The following EMP2 variants were observed in gnomAD, a reference collection of about 807,000 sequenced individuals.
EMP2 encodes epithelial membrane protein 2.
EMP2 carries 19 observed loss-of-function variants against 13.7 expected under a neutral mutation model. That is an observed-to-expected ratio of 1.38 (90% CI 0.97 to 2.03). EMP2 has a LOEUF of 2.03. Ranked by LOEUF, EMP2 falls within the 30% of genes most tolerant of loss-of-function variation. The probability of loss-of-function intolerance (pLI) is 0.00; values close to 1 mark genes in which losing one functional copy is unlikely to be tolerated. For missense variants in EMP2, 253 were observed against 220.7 expected, an observed-to-expected ratio of 1.15 and a Z score of -0.93; for synonymous variants, 97 against 84.7, an observed-to-expected ratio of 1.15 and a Z score of -0.80.
chr16:10,546,570 C>G (rs2050740766), intron 2 of EMP2: 1 of 152,230 alleles, frequency 6.6e-6, no homozygotes, highest in South Asian at 2.1e-4. Context: ...ACAAGGGACC[C>G]TGGTTGATAA....
chr16:10,549,729 T>TCACACACACACACACA (rs71402494), intron 1 of EMP2, among the ~76,000 whole-genome samples: 3 of 149,558 alleles, frequency 2.0e-5, no homozygotes, highest in South Asian at 2.1e-4. Flanking sequence ...ACACACACAC[T>TCACACACACACACACA]CACACACACA....
chr16:10,537,816 G>C, intron 4 of EMP2, 112 bp downstream of exon 4: 1 of 1,436,864 alleles, frequency 7.0e-7, no homozygotes, highest in Non-Finnish European at 9.6e-7. Context: ...CCGCGCGGCT[G>C]CCAATTTCTC....
At chr16:10,533,555 C>A (rs1053890310) in intron 4 of EMP2, among the ~76,000 whole-genome samples, 4 of 152,190 alleles carry the variant, frequency 2.6e-5, no homozygotes, top group African/African-American at 9.7e-5. Context: ...AAGGGCCAGA[C>A]AGTAAGCAGT....
At chr16:10,574,408 G>A (rs1272426141) in intron 1 of EMP2, among the ~76,000 whole-genome samples, 1 of 151,722 alleles carries the variant, frequency 6.6e-6, no homozygotes, top group African/African-American at 2.4e-5. Context: ...TGGGGATGTG[G>A]AAGGGAAGCC....
chr16:10,568,145 C>G (rs1333093249), intron 1 of EMP2, among the ~76,000 whole-genome samples: 2 of 152,174 alleles, frequency 1.3e-5, no homozygotes, highest in Non-Finnish European at 2.9e-5. Context: ...TAGAAGGGCA[C>G]ACCATTGGGG....
intron 1 of EMP2, among the ~76,000 whole-genome samples, chr16:10,576,152 T>G (rs554244450): frequency 2.0e-5 from 3 of 152,224 alleles, no homozygotes; most frequent in African/African-American, 7.2e-5. Flanking sequence ...ACCATGGGTT[T>G]GTGTGCTACT....
chr16:10,560,584 A>G (rs1031658601), intron 1 of EMP2, among the ~76,000 whole-genome samples: 1 of 152,246 alleles, frequency 6.6e-6, no homozygotes, highest in African/African-American at 2.4e-5. Flanking sequence ...GGCATGAGTA[A>G]GGCATGCTCT....
Position 10,541,406 on chromosome 16 carries a change from G to T in EMP2, c.169+2164C>A, listed in dbSNP as rs188889932. ...ATGTTCTTTTTGTTTTGTTTTTAGG[G>T]GTGTGTGTGTGTGTGTAAACAACTT... On this transcript the variant is annotated intron_variant, in intron 3 of 4. Coordinates refer to ENST00000359543, the MANE Select transcript of EMP2 (RefSeq NM_001424.6). Among the ~76,000 whole-genome samples, 998 of 151,656 alleles carry T rather than the reference G, an allele frequency of 6.6e-3. 8 individuals carry two copies. Among genetic ancestry groups the T allele is most frequent in the African/African-American group, 0.023 (960 of 41,358 alleles).
At chr16:10,563,881 T>C (rs575435490) in intron 1 of EMP2, among the ~76,000 whole-genome samples, 7 of 152,250 alleles carry the variant, frequency 4.6e-5, no homozygotes, top group Non-Finnish European at 8.8e-5. Context: ...TGCTATGAAG[T>C]GTTACTGACA....
intron 1 of EMP2, among the ~76,000 whole-genome samples, chr16:10,558,418 C>T (rs114323062): frequency 0.047 from 7,209 of 152,142 alleles, 248 homozygotes; most frequent in East Asian, 0.13. Flanking sequence ...ATTGACATCT[C>T]CTCGCTGTTT....
chr16:10,562,821 G>T (rs559488603), intron 1 of EMP2, among the ~76,000 whole-genome samples: 7 of 152,204 alleles, frequency 4.6e-5, no homozygotes, highest in Non-Finnish European at 8.8e-5. Flanking sequence ...AGTTTGTGCA[G>T]CTTTCACAGA....
At chr16:10,572,674 C>T (rs1216547605) in intron 1 of EMP2, among the ~76,000 whole-genome samples, 2 of 152,308 alleles carry the variant, frequency 1.3e-5, no homozygotes, top group East Asian at 3.9e-4. Flanking sequence ...ATAAATGTCA[C>T]AGCCTGGGAG....
At chr16:10,562,423 CTG>C (rs887719049) in intron 1 of EMP2, among the ~76,000 whole-genome samples, 1 of 149,832 alleles carries the variant, frequency 6.7e-6, no homozygotes, top group Non-Finnish European at 1.5e-5. Context: ...TGCCCAGTAA[CTG>C]TGTGAACAAG....
At position 10,580,309 on chromosome 16, in the gene EMP2, C is replaced by T. The variant is rs1218957748; in HGVS notation, c.-61+240G>A. Among the ~76,000 whole-genome samples, 1 of 152,190 alleles carries T rather than the reference C, an allele frequency of 6.6e-6. No homozygotes were observed. Among genetic ancestry groups the T allele is most frequent in the Non-Finnish European group, 1.5e-5 (1 of 68,028 alleles). ...CCCAAACTTTTCCCGCCTGCTTCGG[C>T]TCAAAAGGCGTGGGAAGCTGTCCCG... On this transcript the variant is annotated intron_variant, in intron 1 of 4. Transcript: ENST00000359543. The surrounding 1 kb of genome is among the most constrained non-coding windows in gnomAD (Gnocchi z 4.3).
intron 1 of EMP2, among the ~76,000 whole-genome samples, chr16:10,564,947 C>T (rs532002445): frequency 6.6e-6 from 1 of 152,164 alleles, no homozygotes; most frequent in East Asian, 1.9e-4. Flanking sequence ...GTCAGCATCA[C>T]CTGCCATAAA....
chr16:10,541,007 G>A (rs528156431), intron 3 of EMP2, among the ~76,000 whole-genome samples: 204 of 152,088 alleles, frequency 1.3e-3, no homozygotes, highest in Middle Eastern at 3.4e-3. Flanking sequence ...AGGATCACTC[G>A]AACCTGGGGG....
intron 3 of EMP2, 56 bp from the exon 4 acceptor site, chr16:10,538,130 G>T: frequency 6.3e-7 from 1 of 1,595,428 alleles, no homozygotes; most frequent in Non-Finnish European, 8.6e-7. Context: ...CGGCACTGTG[G>T]GGTACACAGC....
intron 1 of EMP2, among the ~76,000 whole-genome samples, chr16:10,560,759 C>T (rs1040853110): frequency 1.2e-4 from 19 of 152,074 alleles, no homozygotes; most frequent in South Asian, 4.1e-4. Context: ...TAAGGATGGG[C>T]GGAGTGGTGG....
At chr16:10,562,010 C>G (rs2354419) in intron 1 of EMP2, among the ~76,000 whole-genome samples, 25,548 of 152,114 alleles carry the variant, frequency 0.17, 2,273 homozygotes, top group South Asian at 0.2. Context: ...AAGAATAATA[C>G]CAATTCTAAA....
Sources: gnomAD v4.1 joint callset for allele counts (sites outside exome capture counted in the v4.1 genomes callset) on GRCh38, gnomAD v4.1.1 for gene constraint, Gnocchi (gnomAD v3.1) non-coding constraint, MANE v1.5 for transcripts, NCBI Gene and HGNC (gene_info 2026-07-23, HGNC 2026-07-21) for gene names.